Variants in ATP11A observed in about 807,000 individuals in gnomAD.
ATP11A encodes the protein ATPase phospholipid transporting 11A.
ATP11A carries 81 observed loss-of-function variants against 154.4 expected under a neutral mutation model. The ratio of observed to expected loss-of-function variants is 0.52; its 90% CI spans 0.44 to 0.63. ATP11A has a LOEUF of 0.63. ATP11A is among the 30% of genes least tolerant of loss of function. ATP11A has a pLI of 0.00. For missense variants in ATP11A, 1,316 were observed against 1,474.3 expected, an observed-to-expected ratio of 0.89 and a Z score of 1.76; for synonymous variants, 623 against 585.9, an observed-to-expected ratio of 1.06 and a Z score of -0.91.
intron 1 of ATP11A, among the ~76,000 whole-genome samples, chr13:112,743,063 A>G (rs2139761637): frequency 6.6e-6 from 1 of 152,308 alleles, no homozygotes; most frequent in South Asian, 2.1e-4. Context: ...AGAGGGTTCT[A>G]TGGAGAGGCG....
chr13:112,878,498 A>G, intron 29 of ATP11A, 195 bp downstream of exon 29: 1 of 616,820 alleles, frequency 1.6e-6, no homozygotes. Context: ...TGTGCTTTCC[A>G]TCAGTCACAG....
At chr13:112,724,101 C>T (rs1889528751) in intron 1 of ATP11A, among the ~76,000 whole-genome samples, 1 of 141,936 alleles carries the variant, frequency 7.0e-6, no homozygotes, top group South Asian at 2.3e-4. Context: ...CTATCGTCCC[C>T]ATCGCCCCCT....
chr13:112,710,960 CG>C (rs1423469843), intron 1 of ATP11A, among the ~76,000 whole-genome samples: 2 of 51,476 alleles, frequency 3.9e-5, no homozygotes, highest in African/African-American at 1.1e-4. Flanking sequence ...GCCAACCACC[CG>C]GAGCCACCCA....
intron 1 of ATP11A, among the ~76,000 whole-genome samples, chr13:112,768,488 T>C (rs980561854): frequency 4.7e-4 from 72 of 152,362 alleles, no homozygotes; most frequent in African/African-American, 1.7e-3. Flanking sequence ...CTGTGTATGC[T>C]GTTATCCAGT....
chr13:112,740,751 T>C (rs1436605874), intron 1 of ATP11A, among the ~76,000 whole-genome samples: 7 of 152,176 alleles, frequency 4.6e-5, no homozygotes, highest in Non-Finnish European at 8.8e-5. Context: ...ACGGGAGGAC[T>C]TCCTGTTGTG....
At chr13:112,876,007 C>T in intron 28 of ATP11A, 66 bp downstream of exon 28, 4 of 1,538,314 alleles carry the variant, frequency 2.6e-6, no homozygotes, top group African/African-American at 1.4e-5. Flanking sequence ...GGGAGATGAC[C>T]GTTTTGAAAG....
At chr13:112,710,455 C>T (rs909017398) in intron 1 of ATP11A, among the ~76,000 whole-genome samples, 1 of 152,264 alleles carries the variant, frequency 6.6e-6, no homozygotes, top group Admixed American at 6.5e-5. Context: ...TTTCCCTTCT[C>T]CTGTACCACT....
intron 2 of ATP11A, among the ~76,000 whole-genome samples, chr13:112,795,624 A>G (rs761869031): frequency 6.6e-6 from 1 of 152,240 alleles, no homozygotes; most frequent in Non-Finnish European, 1.5e-5. Flanking sequence ...TGAGTGATGT[A>G]TTATAGAAAT....
chr13:112,816,298 T>C, intron 6 of ATP11A, 87 bp downstream of exon 6: 6 of 1,561,420 alleles, frequency 3.8e-6, no homozygotes, highest in Non-Finnish European at 5.2e-6. Flanking sequence ...ACTAACATCC[T>C]GTTTGAAAAG....
chr13:112,853,287 C>A (rs562881510), intron 18 of ATP11A, among the ~76,000 whole-genome samples: 21 of 152,186 alleles, frequency 1.4e-4, no homozygotes, highest in Admixed American at 1.3e-3. Context: ...TACATACACA[C>A]ACACACACAT....
At chr13:112,839,491 C>T (rs1295192155) in intron 16 of ATP11A, among the ~76,000 whole-genome samples, 1 of 152,102 alleles carries the variant, frequency 6.6e-6, no homozygotes, top group African/African-American at 2.4e-5. Context: ...ACCATGGGCT[C>T]AAACTGTGGT....
intron 1 of ATP11A, among the ~76,000 whole-genome samples, chr13:112,782,119 C>T (rs2140012387): frequency 6.6e-6 from 1 of 152,384 alleles, no homozygotes; most frequent in East Asian, 1.9e-4. Context: ...TGGGCTGTAT[C>T]TGAGTTGTTT....
At chr13:112,759,795 TTC>T (rs1251251301) in intron 1 of ATP11A, among the ~76,000 whole-genome samples, 1 of 152,254 alleles carries the variant, frequency 6.6e-6, no homozygotes, top group Non-Finnish European at 1.5e-5. Flanking sequence ...TGGCAAATTC[TTC>T]TGTTTATAAA....
At chr13:112,822,806 A>AC (rs1226577092) in intron 8 of ATP11A, among the ~76,000 whole-genome samples, 1 of 150,632 alleles carries the variant, frequency 6.6e-6, no homozygotes, top group Non-Finnish European at 1.5e-5. Flanking sequence ...TTTCACATCC[A>AC]CCCCTCTTTA....
intron 1 of ATP11A, among the ~76,000 whole-genome samples, chr13:112,744,906 A>G (rs1413240080): frequency 6.6e-6 from 1 of 152,224 alleles, no homozygotes; most frequent in Non-Finnish European, 1.5e-5. Context: ...CTTTCAAACA[A>G]TGGTGAGTTT....
At chr13:112,737,841 C>T (rs1891151738) in intron 1 of ATP11A, among the ~76,000 whole-genome samples, 3 of 152,158 alleles carry the variant, frequency 2.0e-5, no homozygotes, top group Admixed American at 2.0e-4. Context: ...CAGCGGTCAG[C>T]CTGGTCCTGT....
chr13:112,842,856 G>T (rs1032610711), intron 17 of ATP11A, among the ~76,000 whole-genome samples: 8 of 152,234 alleles, frequency 5.3e-5, no homozygotes, highest in Non-Finnish European at 7.3e-5. Flanking sequence ...TCCACCACTT[G>T]TTGTATAGCA....
At chr13:112,782,161 T>C (rs2077516420) in intron 1 of ATP11A, among the ~76,000 whole-genome samples, 1 of 152,266 alleles carries the variant, frequency 6.6e-6, no homozygotes, top group Admixed American at 6.5e-5. Context: ...AAACGTCTGC[T>C]CGCCGGTGTT....
chr13:112,792,692 A>G (rs1242167238), intron 2 of ATP11A, among the ~76,000 whole-genome samples: 1 of 152,156 alleles, frequency 6.6e-6, no homozygotes, highest in Non-Finnish European at 1.5e-5. Flanking sequence ...ACCTGAAATG[A>G]CAGCCCAGCA....
Sources: gnomAD v4.1 joint callset for allele counts (sites outside exome capture counted in the v4.1 genomes callset) on GRCh38, gnomAD v4.1.1 for gene constraint, MANE v1.5 for transcripts, NCBI Gene and HGNC (gene_info 2026-07-23, HGNC 2026-07-21) for gene names.